The following SBF2 variants were observed in gnomAD, a reference collection of about 807,000 sequenced individuals.
SBF2 encodes SET binding factor 2, also known as myotubularin-related protein 13.
Under a neutral mutation model 225.2 loss-of-function variants are expected in SBF2, and 112 were observed. That is an observed-to-expected ratio of 0.50 (90% CI 0.43 to 0.58). The LOEUF (loss-of-function observed/expected upper bound fraction) is 0.58, where lower values mean the gene tolerates loss of function less well. Among genes scored for constraint, SBF2 ranks in the 20% least tolerant of loss-of-function variants. The pLI is 0.00. For missense variants in SBF2, 1,996 were observed against 2,206.2 expected (o/e 0.90, Z 1.91); for synonymous variants, 763 against 773.3 (o/e 0.99, Z 0.22).
At chr11:10,190,021 C>T (rs1402410651) in intron 2 of SBF2, among the ~76,000 whole-genome samples, 3 of 152,060 alleles carry the variant, frequency 2.0e-5, no homozygotes, top group African/African-American at 7.2e-5. Context: ...TGTGGTGGCA[C>T]ATGCCTGTAA....
At chr11:9,990,022 A>G (rs12785752) in intron 12 of SBF2, among the ~76,000 whole-genome samples, 11,218 of 152,212 alleles carry the variant, frequency 0.074, 468 homozygotes, top group Middle Eastern at 0.18. Flanking sequence ...TTAAACTCCT[A>G]AGCTTCAGTT....
Position 10,246,832 on chromosome 11 carries a change from T to G in SBF2, c.55+47183A>C, listed in dbSNP as rs377282214. On this transcript the variant is annotated intron_variant, in intron 1 of 39. Transcript: ENST00000256190. ...GGTCATGCCTGTAATCTCACCACTTTGGGAGGTCGAAGCAGGAGAATTGCT... is the reference window on the plus strand; with the variant it reads ...GGTCATGCCTGTAATCTCACCACTTGGGGAGGTCGAAGCAGGAGAATTGCT... 3.9e-5 allele frequency among the ~76,000 whole-genome samples: 6 copies of G among 152,264 alleles called. No homozygotes were observed. The East Asian group carries it at 1.2e-3, about 29-fold the overall frequency.
intron 2 of SBF2, among the ~76,000 whole-genome samples, chr11:10,045,084 C>T (rs1949799652): frequency 6.6e-6 from 1 of 151,922 alleles, no homozygotes; most frequent in African/African-American, 2.4e-5. Flanking sequence ...AGTTGTTTGG[C>T]AGGAGGTCCA....
chr11:10,152,662 G>C (rs1431558252), intron 2 of SBF2, among the ~76,000 whole-genome samples: 1 of 152,034 alleles, frequency 6.6e-6, no homozygotes, highest in Non-Finnish European at 1.5e-5. Flanking sequence ...AAGATTAGTA[G>C]AAAAAATGAC....
intron 2 of SBF2, among the ~76,000 whole-genome samples, chr11:10,074,270 T>C (rs1270004777): frequency 3.3e-5 from 5 of 152,208 alleles, no homozygotes; most frequent in Non-Finnish European, 7.4e-5. Context: ...AAGAGAACCC[T>C]ACCTTATACA....
rs781639625 is a variant in SBF2, at chr11:10,164,716, G to A, written c.141+29186C>T. Among the ~76,000 whole-genome samples, 3 of 152,238 alleles carry A rather than the reference G, an allele frequency of 2.0e-5. No homozygotes were observed. In the South Asian group the frequency reaches 6.2e-4, roughly 32 times the overall value. On this transcript the variant is annotated intron_variant, in intron 2 of 39. Transcript: ENST00000256190. ...GGAAACAACCAAACAGCTAAAAACA[G>A]TCCACAGCATACAATAAATCACAGT...
At chr11:10,107,120 T>A (rs1029126414) in intron 2 of SBF2, among the ~76,000 whole-genome samples, 1 of 152,220 alleles carries the variant, frequency 6.6e-6, no homozygotes, top group East Asian at 1.9e-4. Flanking sequence ...GTTAACTATA[T>A]ACATATACAT....
At chr11:10,295,970 A>T (rs1291042117), upstream of SBF2, among the ~76,000 whole-genome samples, 1 of 152,160 alleles carries the variant, frequency 6.6e-6, no homozygotes, top group African/African-American at 2.4e-5. Context: ...CTGTACAACT[A>T]CCATGTCTAT....
chr11:10,035,457 T>C (rs1196771878), intron 3 of SBF2, among the ~76,000 whole-genome samples: 10 of 152,098 alleles, frequency 6.6e-5, no homozygotes, highest in Admixed American at 6.5e-4. Flanking sequence ...CAAAAGAAAC[T>C]ATCAGCAGAG....
chr11:10,023,369 A>G (rs1948930541), intron 6 of SBF2, among the ~76,000 whole-genome samples: 1 of 152,182 alleles, frequency 6.6e-6, no homozygotes, highest in African/African-American at 2.4e-5. Context: ...TCTAACAGTA[A>G]CATTTTTTCT....
In SBF2 at chr11:9,805,768, G is replaced by A. The variant is rs547068488; in HGVS notation, c.4443+2232C>T. 3.6e-4 allele frequency among the ~76,000 whole-genome samples: 55 copies of A among 152,182 alleles called. 1 individual carries two copies. The highest frequency in any genetic ancestry group is 7.9e-4 in the Admixed American group (12 of 15,284). On this transcript the variant is annotated intron_variant, in intron 32 of 39. Transcript: ENST00000256190. ...CTCCCAAGTAGCTGGGACTACAGGC[G>A]TGCGCCCCCACGTCTGGCTGATTTT... is the stretch of plus-strand genomic sequence containing the variant.
chr11:10,107,880 T>G lies in SBF2; in HGVS notation c.142-64899A>C, dbSNP rs561625235. ...GGTTATGGATAGACATCTTTTGGGG[T>G]GGGGACACCATTCAACCCACTACAA... On this transcript the variant is annotated intron_variant, in intron 2 of 39. Transcript: ENST00000256190. Among the ~76,000 whole-genome samples the G allele has an allele frequency of 2.6e-5, 4 of 152,086 alleles. No homozygotes were observed. In the East Asian group the frequency reaches 7.7e-4, roughly 29 times the overall value.
intron 16 of SBF2, among the ~76,000 whole-genome samples, chr11:9,942,588 C>T (rs1331267037): frequency 6.6e-6 from 1 of 152,098 alleles, no homozygotes; most frequent in Non-Finnish European, 1.5e-5. Context: ...TGGGGGCTTG[C>T]CCTGGTAGAT....
intron 30 of SBF2, among the ~76,000 whole-genome samples, chr11:9,812,104 T>C (rs1343092758): frequency 6.6e-6 from 1 of 151,838 alleles, no homozygotes; most frequent in Admixed American, 6.6e-5. Flanking sequence ...GTGGGGTGGA[T>C]CTAAAATCTA....
intron 2 of SBF2, among the ~76,000 whole-genome samples, chr11:10,061,958 G>A (rs1267326209): frequency 6.6e-6 from 1 of 152,206 alleles, no homozygotes; most frequent in Non-Finnish European, 1.5e-5. Context: ...CAAGGCTACA[G>A]TAACCAAAAA....
At chr11:10,217,933 T>A (rs2135398658) in intron 1 of SBF2, among the ~76,000 whole-genome samples, 1 of 152,064 alleles carries the variant, frequency 6.6e-6, no homozygotes, top group South Asian at 2.1e-4. Flanking sequence ...GGAGTCTCGC[T>A]CTGTCGCCCA....
At chr11:9,868,934 G>T (rs907429967) in intron 17 of SBF2, among the ~76,000 whole-genome samples, 4 of 152,202 alleles carry the variant, frequency 2.6e-5, no homozygotes, top group African/African-American at 9.6e-5. Context: ...GTTAGAGGAT[G>T]TTGATTGTCA....
chr11:10,294,000 GC>G lies in SBF2; in HGVS notation c.55+14del. 1.5e-6 allele frequency: 2 copies of G among 1,371,114 alleles called. No homozygotes were observed. Among genetic ancestry groups the G allele is most frequent in the Non-Finnish European group, 9.5e-7 (1 of 1,056,648 alleles). The allele number at this position is 1,371,114 out of a possible 1,614,324, so 84.9% of individuals were successfully genotyped here. ...GGCGGGGAGGCCCGGGGGCGGTGCC[GC>G]CCCACACCCTTACCTGGCTTCTCGT... On this transcript the variant is annotated intron_variant, in intron 1 of 39. Coordinates refer to ENST00000256190, the MANE Select transcript of SBF2 (RefSeq NM_030962.4).
At chr11:10,144,033 T>C (rs1435327011) in intron 2 of SBF2, among the ~76,000 whole-genome samples, 1 of 152,222 alleles carries the variant, frequency 6.6e-6, no homozygotes, top group African/African-American at 2.4e-5. Flanking sequence ...AACTGAGTTT[T>C]GACAAATGCA....
Sources: allele counts gnomAD v4.1 joint callset (sites outside exome capture counted in the v4.1 genomes callset), GRCh38; gene constraint gnomAD v4.1.1; transcripts MANE v1.5; gene names NCBI Gene and HGNC (gene_info 2026-07-23, HGNC 2026-07-21).